Variants in ZDHHC21 observed in about 807,000 individuals in gnomAD.
ZDHHC21 encodes the protein zDHHC palmitoyltransferase 21.
ZDHHC21 carries 15 observed loss-of-function variants against 34.6 expected under a neutral mutation model. The observed-to-expected ratio is 0.43, with a 90% CI of 0.29 to 0.67. ZDHHC21 has a LOEUF of 0.67. Ranked by LOEUF, ZDHHC21 falls within the 30% of genes least tolerant of loss-of-function variation. The pLI, the probability that ZDHHC21 is intolerant of heterozygous loss-of-function variation, is 0.14. For missense variants in ZDHHC21, 344 were observed against 327.7 expected (o/e 1.05, Z -0.38); for synonymous variants, 142 against 101.8 (o/e 1.40, Z -2.38).
intron 8 of ZDHHC21, among the ~76,000 whole-genome samples, chr9:14,635,011 C>G (rs1401038284): frequency 6.6e-6 from 1 of 151,900 alleles, no homozygotes; most frequent in African/African-American, 2.4e-5. Context: ...ACCAAACAAA[C>G]TGAAGAATTC....
intron 7 of ZDHHC21, among the ~76,000 whole-genome samples, chr9:14,648,463 T>A (rs1830648773): frequency 6.6e-6 from 1 of 152,094 alleles, no homozygotes; most frequent in Non-Finnish European, 1.5e-5. Flanking sequence ...CCTATTGCTC[T>A]GTCCCTAACT....
At chr9:14,648,373 C>T (rs150186359) in intron 7 of ZDHHC21, among the ~76,000 whole-genome samples, 2 of 152,132 alleles carry the variant, frequency 1.3e-5, no homozygotes, top group East Asian at 1.9e-4. Context: ...CCTCCAACAG[C>T]TTACAAAGTC....
chr9:14,635,487 T>C (rs188851091), intron 8 of ZDHHC21, among the ~76,000 whole-genome samples: 48 of 152,338 alleles, frequency 3.2e-4, no homozygotes, highest in African/African-American at 1.1e-3. Flanking sequence ...ACAGTGTATT[T>C]CTCCACAGAA....
rs2133357567 is a variant in ZDHHC21, at chr9:14,611,303, A to T, written c.*7663T>A. The T allele has an allele frequency of 6.6e-6, 1 of 152,062 alleles. No individual in the cohort carries two copies. Among genetic ancestry groups the T allele is most frequent in the South Asian group, 2.1e-4 (1 of 4,822 alleles). The allele number at this position is 152,062 out of a possible 1,614,324, so 9.4% of individuals were successfully genotyped here. A position where few individuals can be genotyped will look rare whatever the true frequency, so the allele number is the denominator to read the frequency against. ...AGAACCAGTGTAGACTTTTCATCTA[A>T]ACAAATACATCTCAGCTACATGGTT... On this transcript the variant is annotated 3_prime_UTR_variant, in exon 10 of 10. Transcript: ENST00000380916.
intron 2 of ZDHHC21, among the ~76,000 whole-genome samples, chr9:14,686,067 G>A (rs1838268211): frequency 6.6e-6 from 1 of 151,938 alleles, no homozygotes. Context: ...GGGTGGGGGA[G>A]GGGGGAGGAA....
chr9:14,623,847 T>C (rs1052715341), intron 8 of ZDHHC21, among the ~76,000 whole-genome samples: 1 of 151,938 alleles, frequency 6.6e-6, no homozygotes, highest in African/African-American at 2.4e-5. Flanking sequence ...AAAAGGTAAA[T>C]GTTGGCAAGG....
chr9:14,640,166 T>C (rs1164911016), intron 7 of ZDHHC21, among the ~76,000 whole-genome samples, 154 bp from the exon 8 acceptor site: 1 of 151,914 alleles, frequency 6.6e-6, no homozygotes, highest in Admixed American at 6.6e-5. Context: ...AATCAATGTA[T>C]AAATATTTTA....
intron 2 of ZDHHC21, among the ~76,000 whole-genome samples, chr9:14,688,473 C>A (rs779225944): frequency 6.6e-6 from 1 of 150,680 alleles, no homozygotes; most frequent in Non-Finnish European, 1.5e-5. Flanking sequence ...TGTGATCATA[C>A]CATGTTGGGA....
intron 2 of ZDHHC21, among the ~76,000 whole-genome samples, chr9:14,690,001 G>C (rs1434305483): frequency 6.6e-6 from 1 of 152,150 alleles, no homozygotes; most frequent in Admixed American, 6.5e-5. Flanking sequence ...TAGGGAGATA[G>C]GAGTGGGAAA....
chr9:14,609,659 A>G (rs1823138234), downstream of ZDHHC21, among the ~76,000 whole-genome samples: 1 of 152,060 alleles, frequency 6.6e-6, no homozygotes, highest in Non-Finnish European at 1.5e-5. Context: ...TTCTGACAAG[A>G]CCAGTGGTAA....
rs1319169274 is a variant in ZDHHC21, at chr9:14,616,097, T to TA, written c.*2868dup. ...AGTTATTTTAAGGCAATAGAGCCAGTAAAAAAATCATTTCAAAACTGAGTA... is the reference window on the plus strand; with the variant it reads ...AGTTATTTTAAGGCAATAGAGCCAGTAAAAAAAATCATTTCAAAACTGAGTA... On this transcript the variant is annotated 3_prime_UTR_variant, in exon 10 of 10. Transcript: ENST00000380916. 2.6e-5 allele frequency: 4 copies of TA among 151,672 alleles called. No homozygotes were observed. Among genetic ancestry groups the TA allele is most frequent in the Non-Finnish European group, 5.9e-5 (4 of 67,698 alleles). 9.4% of individuals were successfully genotyped at this position (151,672 alleles called of 1,614,324 possible).
At chr9:14,651,988 G>C (rs1831314285) in intron 7 of ZDHHC21, among the ~76,000 whole-genome samples, 1 of 151,828 alleles carries the variant, frequency 6.6e-6, no homozygotes, top group East Asian at 1.9e-4. Flanking sequence ...TTACTTTCGA[G>C]AGGGGTTTTA....
In ZDHHC21 at chr9:14,613,807, G is replaced by C. The variant is rs981355077; in HGVS notation, c.*5159C>G. On this transcript the variant is annotated 3_prime_UTR_variant, in exon 10 of 10. Coordinates refer to ENST00000380916, the MANE Select transcript of ZDHHC21 (RefSeq NM_178566.6). ...TCAGTATCTTTTCTTTGCAATAAGAGATTTCCAGAAAAGGTGCCAGTTTTT... is the reference window on the plus strand; with the variant it reads ...TCAGTATCTTTTCTTTGCAATAAGACATTTCCAGAAAAGGTGCCAGTTTTT... 1.3e-5 allele frequency: 2 copies of C among 151,712 alleles called. No homozygotes were observed. The highest frequency in any genetic ancestry group is 4.8e-5 in the African/African-American group (2 of 41,388). 9.4% of individuals were successfully genotyped at this position (151,712 alleles called of 1,614,324 possible).
chr9:14,654,843 A>G (rs1207982179), intron 7 of ZDHHC21, among the ~76,000 whole-genome samples: 1 of 152,024 alleles, frequency 6.6e-6, no homozygotes, highest in Non-Finnish European at 1.5e-5. Context: ...AAGGAAAGTT[A>G]AGAAATAAAT....
intron 7 of ZDHHC21, among the ~76,000 whole-genome samples, chr9:14,652,989 C>T (rs1327276955): frequency 9.9e-5 from 15 of 151,950 alleles, no homozygotes; most frequent in Admixed American, 9.9e-4. Flanking sequence ...CAGACTACAG[C>T]TTTTGCTTCA....
intron 8 of ZDHHC21, among the ~76,000 whole-genome samples, chr9:14,630,889 T>C (rs1169842939): frequency 6.6e-6 from 1 of 152,238 alleles, no homozygotes; most frequent in East Asian, 1.9e-4. Context: ...TGTAAACAGA[T>C]GTGGCTGTCA....
At chr9:14,628,499 T>C (rs1344282210) in intron 8 of ZDHHC21, among the ~76,000 whole-genome samples, 3 of 152,186 alleles carry the variant, frequency 2.0e-5, no homozygotes, top group East Asian at 3.8e-4. Context: ...ATTCAAGCTA[T>C]GCAATAAAAT....
chr9:14,677,163 T>C (rs1244356167), intron 3 of ZDHHC21, among the ~76,000 whole-genome samples: 1 of 152,074 alleles, frequency 6.6e-6, no homozygotes, highest in Non-Finnish European at 1.5e-5. Context: ...GTTTAAAATA[T>C]GTCCATTTTT....
intron 3 of ZDHHC21, among the ~76,000 whole-genome samples, chr9:14,678,444 T>C (rs1285001100): frequency 1.3e-5 from 2 of 151,974 alleles, no homozygotes; most frequent in African/African-American, 4.8e-5. Flanking sequence ...AAAAATCCAA[T>C]GGCTAATCAT....
Sources: gnomAD v4.1 joint callset for allele counts (sites outside exome capture counted in the v4.1 genomes callset) on GRCh38, gnomAD v4.1.1 for gene constraint, MANE v1.5 for transcripts, NCBI Gene and HGNC (gene_info 2026-07-23, HGNC 2026-07-21) for gene names.